TMEM132B: variants seen among roughly 807,000 people sequenced by gnomAD.
TMEM132B encodes the protein transmembrane protein 132B.
Under a neutral mutation model 90.8 loss-of-function variants are expected in TMEM132B, and 18 were observed. The ratio of observed to expected loss-of-function variants is 0.20; its 90% confidence interval spans 0.14 to 0.29. The LOEUF (loss-of-function observed/expected upper bound fraction) is 0.29. Ranked by LOEUF, TMEM132B falls within the 10% of genes least tolerant of loss-of-function variation. The probability of loss-of-function intolerance (pLI) is 1.00; values close to 1 mark genes in which losing one functional copy is unlikely to be tolerated. For synonymous variants in TMEM132B, 504 were observed against 523.3 expected, an observed-to-expected ratio of 0.96 and a Z score of 0.50; for missense variants, 1,096 against 1,326.8, an observed-to-expected ratio of 0.83 and a Z score of 2.70.
chr12:125,194,266 G>A (rs1393307441), intron 1 of TMEM132B, among the ~76,000 whole-genome samples: 2 of 137,528 alleles, frequency 1.5e-5, no homozygotes, highest in East Asian at 2.6e-4. Flanking sequence ...GAATTAACCC[G>A]TTGGTGGGGG....
chr12:125,494,281 C>T (rs1353150347), intron 3 of TMEM132B, among the ~76,000 whole-genome samples: 2 of 140,680 alleles, frequency 1.4e-5, no homozygotes, highest in Non-Finnish European at 3.1e-5. Flanking sequence ...TGGCTGCATC[C>T]CTCCTCCCCC....
chr12:125,355,336 T>C (rs1048893100), intron 2 of TMEM132B, among the ~76,000 whole-genome samples: 1 of 151,780 alleles, frequency 6.6e-6, no homozygotes, highest in East Asian at 1.9e-4. Flanking sequence ...TGTGCTTGGA[T>C]TGGAGGGTTT....
intron 1 of TMEM132B, among the ~76,000 whole-genome samples, chr12:125,256,942 C>T (rs1441168212): frequency 6.6e-6 from 1 of 152,086 alleles, no homozygotes; most frequent in Admixed American, 6.6e-5. Context: ...CAACAAGAAG[C>T]CTTTTCAGAG....
chr12:125,281,751 G>A (rs529997291), intron 1 of TMEM132B, among the ~76,000 whole-genome samples: 1 of 152,138 alleles, frequency 6.6e-6, no homozygotes, highest in Non-Finnish European at 1.5e-5. Context: ...TTTTGAGGTC[G>A]GGCGCGGTGG....
chr12:125,206,588 C>A (rs79432055), intron 1 of TMEM132B, among the ~76,000 whole-genome samples: 1 of 152,056 alleles, frequency 6.6e-6, no homozygotes, highest in East Asian at 1.9e-4. Context: ...TCCTGGACAG[C>A]GTGCTTGGTG....
At chr12:125,360,297 T>C (rs1877919665) in intron 2 of TMEM132B, among the ~76,000 whole-genome samples, 1 of 152,240 alleles carries the variant, frequency 6.6e-6, no homozygotes, top group South Asian at 2.1e-4. Flanking sequence ...TTTACACACA[T>C]TGAACCTGTA....
chr12:125,436,198 G>A (rs1317873204), intron 3 of TMEM132B, among the ~76,000 whole-genome samples: 4 of 152,166 alleles, frequency 2.6e-5, no homozygotes, highest in African/African-American at 9.7e-5. Context: ...GTGAGCATGA[G>A]CACATTGTAT....
rs559169216 is a variant in TMEM132B, at chr12:125,521,053, G to T, written c.1293+1428G>T. Among the ~76,000 whole-genome samples the T allele has an allele frequency of 1.0e-3, 153 of 152,294 alleles. 3 individuals carry two copies. The Middle Eastern group carries it at 0.014, about 14-fold the overall frequency. On this transcript the variant is annotated intron_variant, in intron 4 of 8. Coordinates refer to ENST00000682704, the MANE Select transcript of TMEM132B (RefSeq NM_001366854.1). ...GAATGAAACTGCATCCCTTGTGCCT[G>T]GGAACCCATCTATAAATTCTCCAGC...
chr12:125,466,705 C>T (rs2136485573), intron 3 of TMEM132B, among the ~76,000 whole-genome samples: 1 of 152,330 alleles, frequency 6.6e-6, no homozygotes, highest in African/African-American at 2.4e-5. Context: ...GCTCTTATCA[C>T]TTGGAATGGC....
intron 1 of TMEM132B, among the ~76,000 whole-genome samples, chr12:125,276,509 C>A (rs1016497094): frequency 5.3e-5 from 8 of 152,176 alleles, no homozygotes; most frequent in Admixed American, 2.0e-4. Context: ...ATGGGCTATG[C>A]TTGATTTCAG....
At chr12:125,594,499 C>T (rs575098423) in intron 5 of TMEM132B, among the ~76,000 whole-genome samples, 1 of 152,342 alleles carries the variant, frequency 6.6e-6, no homozygotes, top group East Asian at 1.9e-4. Flanking sequence ...TTCCCACTAT[C>T]AGGATTTGAG....
rs541954577 is a variant in TMEM132B at position 125,402,272 on chromosome 12, C to T, written c.960-13259C>T. Among the ~76,000 whole-genome samples the T allele has an allele frequency of 2.3e-3, 351 of 152,312 alleles. 2 individuals carry two copies. The highest frequency in any genetic ancestry group is 8.3e-3 in the African/African-American group (344 of 41,574). ...TGGCGTGATCTTGGCTCACTGCAAC[C>T]TCCACCACCCGGGTTCAAGCAATTC... On this transcript the variant is annotated intron_variant, in intron 2 of 8. Transcript: ENST00000682704.
rs144858657 is a variant in TMEM132B at position 125,198,590 on chromosome 12, T to C, written c.67+11724T>C. On this transcript the variant is annotated intron_variant, in intron 1 of 8. Coordinates refer to ENST00000682704, the MANE Select transcript of TMEM132B (RefSeq NM_001366854.1). Reference sequence around the variant, plus strand: ...ACCCCTCAGCCAGGGACTGGGACTGTGGGGATGGAATCTGATCGACCATAC... The same window carrying C: ...ACCCCTCAGCCAGGGACTGGGACTGCGGGGATGGAATCTGATCGACCATAC... Among the ~76,000 whole-genome samples, 775 of 152,292 alleles carry C rather than the reference T, an allele frequency of 5.1e-3. 9 individuals carry two copies. The highest frequency in any genetic ancestry group is 0.018 in the African/African-American group (730 of 41,566).
At chr12:125,638,247 G>C (rs1383945644) in intron 5 of TMEM132B, among the ~76,000 whole-genome samples, 2 of 152,146 alleles carry the variant, frequency 1.3e-5, no homozygotes, top group Non-Finnish European at 2.9e-5. Context: ...CCATAATATA[G>C]AGACAAAAAT....
chr12:125,540,897 T>C (rs1883937738), intron 4 of TMEM132B, among the ~76,000 whole-genome samples: 1 of 152,250 alleles, frequency 6.6e-6, no homozygotes, highest in Non-Finnish European at 1.5e-5. Context: ...CCTTTCTGAC[T>C]TCACCTCCTA....
chr12:125,599,693 G>A (rs1885526945), intron 5 of TMEM132B, among the ~76,000 whole-genome samples: 2 of 152,246 alleles, frequency 1.3e-5, no homozygotes, highest in East Asian at 3.9e-4. Flanking sequence ...TGTTTTAGAT[G>A]TTAAAGGTTC....
intron 3 of TMEM132B, among the ~76,000 whole-genome samples, chr12:125,515,734 ACACACATTCTCACACATATT>A (rs1265493399): frequency 1.3e-5 from 2 of 151,628 alleles, no homozygotes; most frequent in African/African-American, 2.4e-5. Flanking sequence ...ACACACATTC[ACACACATTCTCACACATATT>A]CACACATTCT....
At chr12:125,229,807 C>T (rs1209816395) in intron 1 of TMEM132B, among the ~76,000 whole-genome samples, 1 of 152,224 alleles carries the variant, frequency 6.6e-6, no homozygotes, top group Admixed American at 6.5e-5. Flanking sequence ...CTGATGTTCC[C>T]GGCCTTGCAC....
At chr12:125,606,837 G>T (rs970868268) in intron 5 of TMEM132B, among the ~76,000 whole-genome samples, 3 of 152,190 alleles carry the variant, frequency 2.0e-5, no homozygotes, top group African/African-American at 7.2e-5. Context: ...CTGCAGGAGG[G>T]CAGGGAGGAG....
Sources: allele counts gnomAD v4.1 joint callset (sites outside exome capture counted in the v4.1 genomes callset), GRCh38; gene constraint gnomAD v4.1.1; transcripts MANE v1.5; gene names NCBI Gene and HGNC (gene_info 2026-07-23, HGNC 2026-07-21).